HIVEP3: variants seen among roughly 807,000 people sequenced by gnomAD.
The protein encoded by HIVEP3 is HIVEP zinc finger 3.
HIVEP3 carries 49 observed loss-of-function variants against 152.8 expected under a neutral mutation model. That is an observed-to-expected ratio of 0.32 (90% CI 0.26 to 0.41). The LOEUF (loss-of-function observed/expected upper bound fraction) is 0.41. HIVEP3 is among the 10% of genes least tolerant of loss of function. HIVEP3 has a pLI of 1.00. For missense variants in HIVEP3, 2,790 were observed against 3,103.3 expected (o/e 0.90, Z 2.40); for synonymous variants, 1,269 against 1,289.0 (o/e 0.98, Z 0.33).
chr1:41,744,856 C>G (rs529344570), intron 1 of HIVEP3, among the ~76,000 whole-genome samples: 2 of 152,216 alleles, frequency 1.3e-5, no homozygotes, highest in African/African-American at 4.8e-5. Flanking sequence ...GAGAAGCAAA[C>G]CAAGCCATGT....
chr1:41,697,288 G>A (rs147177784), intron 2 of HIVEP3, among the ~76,000 whole-genome samples: 18 of 152,258 alleles, frequency 1.2e-4, no homozygotes, highest in African/African-American at 4.1e-4. Flanking sequence ...CACCCACAGC[G>A]CACTGAGCTT....
rs1323718439 is a variant in HIVEP3, at chr1:41,510,897, T to C, written c.6775A>G (p.Lys2259Glu). 6.2e-7 allele frequency: 1 copy of C among 1,613,482 alleles called. No homozygotes were observed. Among genetic ancestry groups the C allele is most frequent in the South Asian group, 1.1e-5 (1 of 91,080 alleles). The change falls in exon 9 of 9, where the codon AAG (lysine) becomes GAG (glutamate). Residue 2259 changes from lysine to glutamate, a missense_variant. Physicochemically the swap from Lys to Glu is moderately conservative, Grantham distance 56 (BLOSUM62 1). Coordinates refer to ENST00000372583, the MANE Select transcript of HIVEP3 (RefSeq NM_024503.5). ...SSSASVSPVA[K>E]VSKFTLSSEL... ...GAGGAGAGTGTGAATTTGGAGACCTTAGCCACAGGCGACACGGAGGCTGAC... is the reference window on the plus strand; with the variant it reads ...GAGGAGAGTGTGAATTTGGAGACCTCAGCCACAGGCGACACGGAGGCTGAC...
chr1:41,908,578 T>TTTCAAGTGTTAAGGTTTATTG (rs1553132729), intron 1 of HIVEP3, among the ~76,000 whole-genome samples: 11 of 152,346 alleles, frequency 7.2e-5, no homozygotes, highest in Admixed American at 7.2e-4. Flanking sequence ...TCTTTCATGG[T>TTTCAAGTGTTAAGGTTTATTG]TTCAAGTGTT....
At chr1:41,983,098 T>C in intron 1 of HIVEP3, among the ~76,000 whole-genome samples, 1 of 152,324 alleles carries the variant, frequency 6.6e-6, no homozygotes, top group East Asian at 1.9e-4. Context: ...TACGAGAATC[T>C]AATGCCCTGC....
chr1:41,956,706 G>A lies in HIVEP3; in HGVS notation n.120-38182C>T, dbSNP rs72949496. Among the ~76,000 whole-genome samples the A allele has an allele frequency of 2.5e-3, 377 of 152,334 alleles. 1 individual carries two copies. The highest frequency in any genetic ancestry group is 8.7e-3 in the African/African-American group (362 of 41,570). On this transcript the variant is annotated intron_variant and non_coding_transcript_variant, in intron 1 of 3. Transcript: ENST00000489103. ...GCAGCGATGAAAATAAAAAGAGACA[G>A]GAGCCCAAGTTAGGTATGAAGTTTG...
Position 41,584,106 on chromosome 1 carries a change from G to A in HIVEP3, c.692C>T (p.Thr231Ile), listed in dbSNP as rs1644465845. Residue 231 changes from threonine to isoleucine, a missense_variant, in exon 4 of 9, where the codon ACC becomes ATC. By Grantham distance (89) the Thr-to-Ile change is moderately conservative. Around this residue, in one of 9 missense-constraint regions of HIVEP3, gnomAD observed 25 missense variants for 75.9 expected, o/e 0.33. Coordinates refer to ENST00000372583, the MANE Select transcript of HIVEP3 (RefSeq NM_024503.5). The surrounding 1 kb of genome is among the most constrained non-coding windows in gnomAD (Gnocchi z 5.2). ...PCGPCGFSFKTKSNLYKHRKS... is the reference protein window; with the variant it reads ...PCGPCGFSFKIKSNLYKHRKS... ...CCTGTGCTTGTAGAGATTACTCTTG[G>A]TCTTGAAGGAGAAGCCACAGGGGCC... 6.2e-7 allele frequency: 1 copy of A among 1,614,056 alleles called. No individual in the cohort carries two copies. Among genetic ancestry groups the A allele is most frequent in the African/African-American group, 1.3e-5 (1 of 74,930 alleles).
At chr1:41,621,475 C>G (rs1000697458) in intron 3 of HIVEP3, among the ~76,000 whole-genome samples, 1 of 152,234 alleles carries the variant, frequency 6.6e-6, no homozygotes, top group Non-Finnish European at 1.5e-5. Flanking sequence ...GTCCACTCCC[C>G]ACCCTGAGCT....
At chr1:41,783,401 A>G (rs1483326178) in intron 1 of HIVEP3, among the ~76,000 whole-genome samples, 2 of 152,232 alleles carry the variant, frequency 1.3e-5, no homozygotes, top group African/African-American at 4.8e-5. Context: ...GTTGTAAATC[A>G]GAGGAATGGC....
chr1:41,975,223 C>T (rs1459549124), intron 1 of HIVEP3, among the ~76,000 whole-genome samples: 6 of 152,186 alleles, frequency 3.9e-5, no homozygotes, highest in African/African-American at 1.4e-4. Flanking sequence ...CCCCCCTCTA[C>T]CCAATCCTGC....
At chr1:41,949,008 A>G (rs1157115184) in intron 1 of HIVEP3, among the ~76,000 whole-genome samples, 1 of 152,182 alleles carries the variant, frequency 6.6e-6, no homozygotes, top group African/African-American at 2.4e-5. Context: ...CCCATACCTC[A>G]AACCTCACCT....
In HIVEP3 at chr1:41,803,623, G is replaced by A. The variant is rs529140621; in HGVS notation, c.-800-102628C>T. 8.5e-5 allele frequency among the ~76,000 whole-genome samples: 13 copies of A among 152,330 alleles called. No homozygotes were observed. The South Asian group carries it at 2.7e-3, about 32-fold the overall frequency. On this transcript the variant is annotated intron_variant, in intron 1 of 8. Coordinates refer to ENST00000372583, the MANE Select transcript of HIVEP3 (RefSeq NM_024503.5). ...CCCCACTGGGCCACATGGTCCAAGA[G>A]CCACACTGACAATAGGCCTGCAGAC...
chr1:41,623,233 T>C (rs1397258847), intron 3 of HIVEP3, among the ~76,000 whole-genome samples: 2 of 152,170 alleles, frequency 1.3e-5, no homozygotes, highest in Non-Finnish European at 2.9e-5. Flanking sequence ...TGTGGCTATT[T>C]TGGAGAAGCG....
chr1:41,796,253 A>T (rs970758916), intron 1 of HIVEP3, among the ~76,000 whole-genome samples: 1 of 152,220 alleles, frequency 6.6e-6, no homozygotes, highest in African/African-American at 2.4e-5. Flanking sequence ...CCCAATTCTG[A>T]GCAAAAATTA....
intron 1 of HIVEP3, among the ~76,000 whole-genome samples, chr1:41,768,128 A>T (rs1648127533): frequency 6.6e-6 from 1 of 152,152 alleles, no homozygotes; most frequent in Non-Finnish European, 1.5e-5. Flanking sequence ...GTTCATTTTC[A>T]CGCTGCTGAT....
intron 1 of HIVEP3, among the ~76,000 whole-genome samples, chr1:41,827,087 G>A (rs1642825348): frequency 6.6e-6 from 1 of 152,128 alleles, no homozygotes. Flanking sequence ...AAACACCCAG[G>A]AAGATGGTCA....
At chr1:41,515,982 C>T (rs1642593120) in intron 7 of HIVEP3, among the ~76,000 whole-genome samples, 1 of 152,190 alleles carries the variant, frequency 6.6e-6, no homozygotes, top group Non-Finnish European at 1.5e-5. Context: ...TCAGGACCAG[C>T]GTCTCCTGAT....
At chr1:41,766,578 A>C (rs1648023120) in intron 1 of HIVEP3, among the ~76,000 whole-genome samples, 1 of 152,210 alleles carries the variant, frequency 6.6e-6, no homozygotes, top group African/African-American at 2.4e-5. Context: ...AAATAGAGAG[A>C]CTGAAGGTGA....
At chr1:41,516,013 A>G (rs1204326242) in intron 7 of HIVEP3, among the ~76,000 whole-genome samples, 1 of 152,180 alleles carries the variant, frequency 6.6e-6, no homozygotes, top group Non-Finnish European at 1.5e-5. Flanking sequence ...GAGGGCTCCT[A>G]AAGATCCTCT....
chr1:41,992,391 A>G (rs1201611565), intron 1 of HIVEP3, among the ~76,000 whole-genome samples: 4 of 137,110 alleles, frequency 2.9e-5, no homozygotes, highest in African/African-American at 1.2e-4. Flanking sequence ...GTGAACTCCC[A>G]TTCACAATTG....
Sources: gnomAD v4.1 joint callset for allele counts (sites outside exome capture counted in the v4.1 genomes callset) on GRCh38, gnomAD v4.1.1 for gene constraint, gnomAD v4.1.1 regional missense constraint, Gnocchi (gnomAD v3.1) non-coding constraint, MANE v1.5 for transcripts, NCBI Gene and HGNC (gene_info 2026-07-23, HGNC 2026-07-21) for gene names.